Variants in CLIP1 observed in about 807,000 individuals in gnomAD.
CLIP1 encodes CAP-Gly domain-containing linker protein 1.
CLIP1 carries 66 observed loss-of-function variants against 161.6 expected under a neutral mutation model. That is an observed-to-expected ratio of 0.41 (90% CI 0.33 to 0.50). CLIP1 has a LOEUF of 0.50. Ranked by LOEUF, CLIP1 falls within the 20% of genes least tolerant of loss-of-function variation. The pLI is 0.27. For missense variants in CLIP1, 1,376 were observed against 1,702.0 expected (o/e 0.81, Z 3.37); for synonymous variants, 598 against 626.2 (o/e 0.96, Z 0.67).
intron 1 of CLIP1, among the ~76,000 whole-genome samples, chr12:122,394,724 A>AAAAATAC: frequency 6.6e-6 from 1 of 151,688 alleles, no homozygotes; most frequent in East Asian, 2.0e-4. Context: ...CATCTCTACT[A>AAAAATAC]AAAATACAAA....
intron 17 of CLIP1, among the ~76,000 whole-genome samples, chr12:122,321,404 C>T (rs1951497330): frequency 6.6e-6 from 1 of 152,000 alleles, no homozygotes; most frequent in African/African-American, 2.4e-5. Context: ...CGCCACCACG[C>T]CTGGCGAATT....
chr12:122,309,690 C>T, intron 20 of CLIP1, 72 bp downstream of exon 20: 1 of 1,590,228 alleles, frequency 6.3e-7, no homozygotes. Flanking sequence ...TCCGAGTGGC[C>T]TCTGAGCGTG....
chr12:122,326,682 A>C (rs535800366), intron 17 of CLIP1, among the ~76,000 whole-genome samples: 1 of 152,314 alleles, frequency 6.6e-6, no homozygotes, highest in African/African-American at 2.4e-5. Context: ...TGTCTCAAAA[A>C]AACAAACAAC....
chr12:122,298,573 G>A (rs1171084605), intron 20 of CLIP1, among the ~76,000 whole-genome samples: 1 of 150,556 alleles, frequency 6.6e-6, no homozygotes, highest in East Asian at 1.9e-4. Context: ...CTCCAGCCTG[G>A]GTGACAGAGC....
chr12:122,347,516 T>G (rs759761548), intron 9 of CLIP1, 37 bp from the exon 10 acceptor site: 2 of 1,505,304 alleles, frequency 1.3e-6, no homozygotes, highest in Non-Finnish European at 1.8e-6. Flanking sequence ...AACACAACAG[T>G]GCCACCATGA....
Position 122,340,948 on chromosome 12 carries a change from G to C in CLIP1, c.2256C>G (p.Cys752Trp). The C allele has an allele frequency of 6.2e-7, 1 of 1,614,154 alleles. No homozygotes were observed. The highest frequency in any genetic ancestry group is 8.5e-7 in the Non-Finnish European group (1 of 1,180,020). The part of the protein sequence containing the change: ...VKELEVLQAK[C>W]NEQTKVIDNF... ...TATCAATAACCTTGGTTTGTTCATT[G>C]CATTTGGCTTGCAGTACCTCTAGCT... Residue 752 changes from cysteine (C) to tryptophan (W), a missense_variant, in exon 11 of 26, where the codon TGC becomes TGG. By Grantham distance (215) the Cys-to-Trp change is radical (BLOSUM62 -2). Around this residue, in one of 6 missense-constraint regions of CLIP1, gnomAD observed 948 missense variants for 1,134.8 expected, o/e 0.84. Coordinates refer to ENST00000620786, the MANE Select transcript of CLIP1 (RefSeq NM_001247997.2).
chr12:122,405,422 T>C (rs1164341467), intron 1 of CLIP1, among the ~76,000 whole-genome samples: 1 of 152,178 alleles, frequency 6.6e-6, no homozygotes, highest in African/African-American at 2.4e-5. Context: ...TTATGTATGC[T>C]TCATACACGA....
At chr12:122,359,900 C>A (rs1323924192) in intron 5 of CLIP1, among the ~76,000 whole-genome samples, 2 of 152,228 alleles carry the variant, frequency 1.3e-5, no homozygotes, top group Non-Finnish European at 2.9e-5. Flanking sequence ...GCCGCCATTT[C>A]TAACTTAAAC....
At chr12:122,417,420 T>C (rs1166340221) in intron 1 of CLIP1, among the ~76,000 whole-genome samples, 1 of 151,798 alleles carries the variant, frequency 6.6e-6, no homozygotes, top group East Asian at 1.9e-4. Context: ...GAGTTATAAT[T>C]GTGCCACTGC....
intron 23 of CLIP1, chr12:122,278,466 C>G: frequency 1.8e-6 from 1 of 559,814 alleles, no homozygotes; most frequent in Non-Finnish European, 3.1e-6. Flanking sequence ...TCACGTCCAT[C>G]TGAATGTACA....
At chr12:122,334,533 C>T in intron 13 of CLIP1, 115 bp downstream of exon 13, 1 of 720,228 alleles carries the variant, frequency 1.4e-6, no homozygotes, top group East Asian at 2.7e-5. Flanking sequence ...CAGGAACTTC[C>T]AGGAGAGTGA....
chr12:122,337,851 T>C (rs1952307514), intron 11 of CLIP1, among the ~76,000 whole-genome samples: 1 of 151,442 alleles, frequency 6.6e-6, no homozygotes. Context: ...CCATCTCTAC[T>C]AAAAATATAA....
At chr12:122,356,423 T>C (rs1200458222) in intron 5 of CLIP1, among the ~76,000 whole-genome samples, 1 of 152,218 alleles carries the variant, frequency 6.6e-6, no homozygotes, top group Non-Finnish European at 1.5e-5. Flanking sequence ...CTTTCAAAGC[T>C]GGGTTTTGGC....
At chr12:122,356,968 A>G (rs1189037282) in intron 5 of CLIP1, among the ~76,000 whole-genome samples, 2 of 152,150 alleles carry the variant, frequency 1.3e-5, no homozygotes, top group Admixed American at 1.3e-4. Context: ...GGAGTGCAGT[A>G]GCGTGATCTC....
chr12:122,273,338 C>T (rs1386992945), intron 25 of CLIP1, among the ~76,000 whole-genome samples: 1 of 152,204 alleles, frequency 6.6e-6, no homozygotes. Context: ...CAATCTCCAC[C>T]TCCTAGGTGA....
intron 21 of CLIP1, among the ~76,000 whole-genome samples, chr12:122,282,598 G>A (rs955029791): frequency 1.3e-5 from 2 of 152,012 alleles, no homozygotes; most frequent in Non-Finnish European, 2.9e-5. Flanking sequence ...ATACAGTAAG[G>A]AGACTAAATT....
intron 5 of CLIP1, among the ~76,000 whole-genome samples, chr12:122,357,715 C>T (rs1409193192): frequency 6.8e-6 from 1 of 148,068 alleles, no homozygotes; most frequent in Admixed American, 6.7e-5. Context: ...CCCAGCCAGC[C>T]GCCCCGTCCG....
intron 1 of CLIP1, among the ~76,000 whole-genome samples, chr12:122,381,381 A>G (rs1593206902): frequency 6.6e-6 from 1 of 152,216 alleles, no homozygotes; most frequent in South Asian, 2.1e-4. Flanking sequence ...GGAAGTGATG[A>G]GGGAAAATTA....
At chr12:122,376,718 C>T (rs11057801) in intron 3 of CLIP1, among the ~76,000 whole-genome samples, 21,284 of 151,886 alleles carry the variant, frequency 0.14, 1,943 homozygotes, top group East Asian at 0.45. Flanking sequence ...GATCCACCCA[C>T]CTGGGACTCC....
Sources: gnomAD v4.1 joint callset for allele counts (sites outside exome capture counted in the v4.1 genomes callset) on GRCh38, gnomAD v4.1.1 for gene constraint, gnomAD v4.1.1 regional missense constraint, MANE v1.5 for transcripts, NCBI Gene and HGNC (gene_info 2026-07-23, HGNC 2026-07-21) for gene names.